The following ASIC2 variants were observed in gnomAD, a reference collection of about 807,000 sequenced individuals.
The protein encoded by ASIC2 is acid-sensing ion channel 2.
In ASIC2, 25 loss-of-function variants were observed where a neutral mutation model predicts 57.3. That is an observed-to-expected ratio of 0.44 (90% CI 0.32 to 0.61). The LOEUF (loss-of-function observed/expected upper bound fraction) is 0.61, where lower values mean the gene tolerates loss of function less well. ASIC2 is among the 20% of genes least tolerant of loss of function. The probability of loss-of-function intolerance (pLI) is 0.06; values close to 1 mark genes in which losing one functional copy is unlikely to be tolerated. For missense variants in ASIC2, 641 were observed against 738.1 expected, an observed-to-expected ratio of 0.87 and a Z score of 1.52; for synonymous variants, 319 against 307.5, an observed-to-expected ratio of 1.04 and a Z score of -0.39.
intron 1 of ASIC2, among the ~76,000 whole-genome samples, chr17:33,824,096 G>A (rs1263425697): frequency 6.6e-6 from 1 of 152,126 alleles, no homozygotes; most frequent in Non-Finnish European, 1.5e-5. Flanking sequence ...TGACCCACAG[G>A]AACCATTCTT....
chr17:33,084,883 G>C (rs548708496), intron 3 of ASIC2, among the ~76,000 whole-genome samples: 1 of 152,152 alleles, frequency 6.6e-6, no homozygotes. Context: ...TTGTTTTTAG[G>C]GCAAATGCAG....
chr17:33,549,753 GT>G (rs1915688963), intron 1 of ASIC2, among the ~76,000 whole-genome samples: 1 of 152,178 alleles, frequency 6.6e-6, no homozygotes, highest in Non-Finnish European at 1.5e-5. Context: ...GATAGACCAG[GT>G]TTTAAATCTT....
In ASIC2 at chr17:34,156,385, C is replaced by T. The variant is rs753583147; in HGVS notation, c.148G>A (p.Val50Met). The change falls in exon 1 of 10, where the codon GTG (valine) becomes ATG (methionine). Residue 50 changes from valine (V) to methionine (M), a missense_variant. Transcript: ENST00000359872. The surrounding 1 kb of genome is among the most constrained non-coding windows in gnomAD (Gnocchi z 4.4). ...ACCAGCAGCAGGCCCAGAGAGCCCA[C>T]GAAGGCCACTGCCCACAGCACACGC... is the stretch of plus-strand genomic sequence containing the variant. 3.1e-6 allele frequency: 5 copies of T among 1,614,082 alleles called. No homozygotes were observed. Among genetic ancestry groups the T allele is most frequent in the African/African-American group, 1.3e-5 (1 of 74,944 alleles).
At chr17:33,708,449 C>T (rs1908927866) in intron 1 of ASIC2, among the ~76,000 whole-genome samples, 1 of 152,138 alleles carries the variant, frequency 6.6e-6, no homozygotes, top group Non-Finnish European at 1.5e-5. Flanking sequence ...TTTTTACATT[C>T]ATTTTAGTGG....
At chr17:33,071,460 C>G (rs1426200417) in intron 3 of ASIC2, among the ~76,000 whole-genome samples, 1 of 152,142 alleles carries the variant, frequency 6.6e-6, no homozygotes, top group Non-Finnish European at 1.5e-5. Context: ...CCATGTCCAT[C>G]CTTTGAACTT....
At chr17:33,109,302 C>A (rs560079465) in intron 2 of ASIC2, among the ~76,000 whole-genome samples, 1 of 152,210 alleles carries the variant, frequency 6.6e-6, no homozygotes, top group Non-Finnish European at 1.5e-5. Context: ...TTGATTGCCA[C>A]AAGGGGTTAG....
intron 1 of ASIC2, among the ~76,000 whole-genome samples, chr17:33,966,481 A>G (rs1376781946): frequency 6.6e-6 from 1 of 152,232 alleles, no homozygotes; most frequent in Non-Finnish European, 1.5e-5. Context: ...GAAAACAAAC[A>G]TATCCGAACC....
chr17:33,912,938 A>G (rs1236160332), intron 1 of ASIC2, among the ~76,000 whole-genome samples: 1 of 152,162 alleles, frequency 6.6e-6, no homozygotes, highest in Non-Finnish European at 1.5e-5. Context: ...AAGATTTGCC[A>G]TTGCACTCCA....
intron 1 of ASIC2, among the ~76,000 whole-genome samples, chr17:33,662,545 C>A (rs1861577305): frequency 6.6e-6 from 1 of 151,440 alleles, no homozygotes; most frequent in Non-Finnish European, 1.5e-5. Context: ...ATTGCTTGAA[C>A]CTGGGAGGCG....
intron 1 of ASIC2, among the ~76,000 whole-genome samples, chr17:33,393,932 C>G (rs1463495797): frequency 6.6e-6 from 1 of 152,208 alleles, no homozygotes; most frequent in Non-Finnish European, 1.5e-5. Context: ...TCTACTTAGC[C>G]ATGTAATCTT....
intron 3 of ASIC2, among the ~76,000 whole-genome samples, chr17:33,060,832 T>C (rs566961381): frequency 4.8e-4 from 73 of 152,314 alleles, no homozygotes; most frequent in African/African-American, 1.7e-3. Context: ...CCTCTTTTAT[T>C]TCATTGAGCA....
chr17:33,873,710 G>A (rs2141933664), intron 1 of ASIC2, among the ~76,000 whole-genome samples: 1 of 152,334 alleles, frequency 6.6e-6, no homozygotes. Flanking sequence ...TCAGGCAGAA[G>A]TAGGATTCAA....
Position 33,701,235 on chromosome 17 carries a change from G to A in ASIC2, c.555+454743C>T, listed in dbSNP as rs1362505177. Among the ~76,000 whole-genome samples, 5 of 152,138 alleles carry A rather than the reference G, an allele frequency of 3.3e-5. No individual in the cohort carries two copies. In the East Asian group the frequency reaches 7.7e-4, roughly 23 times the overall value. Reference sequence around the variant, plus strand: ...TACTCTGAGAAGTATGTTGTGTGTGGTGGGCGGAGGGGGCATATGAGGACT... The same window carrying A: ...TACTCTGAGAAGTATGTTGTGTGTGATGGGCGGAGGGGGCATATGAGGACT... On this transcript the variant is annotated intron_variant, in intron 1 of 9. Transcript: ENST00000359872.
At chr17:33,969,133 C>T (rs779076771) in intron 1 of ASIC2, among the ~76,000 whole-genome samples, 9 of 152,122 alleles carry the variant, frequency 5.9e-5, no homozygotes, top group Non-Finnish European at 8.8e-5. Flanking sequence ...CAAGCATGGC[C>T]CGTTGAGAAA....
At chr17:33,394,551 G>A (rs1910009161) in intron 1 of ASIC2, among the ~76,000 whole-genome samples, 2 of 152,182 alleles carry the variant, frequency 1.3e-5, no homozygotes, top group Admixed American at 1.3e-4. Context: ...ATGTGAGCAG[G>A]GTATGAGGGA....
At chr17:34,011,552 G>A (rs1371098723) in intron 1 of ASIC2, among the ~76,000 whole-genome samples, 4 of 151,684 alleles carry the variant, frequency 2.6e-5, no homozygotes, top group African/African-American at 7.3e-5. Context: ...TCCATTCCCC[G>A]CCCTCCTCCC....
intron 1 of ASIC2, among the ~76,000 whole-genome samples, chr17:33,212,061 C>G (rs1191742082): frequency 2.6e-5 from 4 of 152,162 alleles, no homozygotes; most frequent in Non-Finnish European, 5.9e-5. Flanking sequence ...AGCGCCAGAG[C>G]TAGGATGGGA....
At chr17:33,861,068 A>T (rs1914089067) in intron 1 of ASIC2, among the ~76,000 whole-genome samples, 1 of 152,250 alleles carries the variant, frequency 6.6e-6, no homozygotes, top group South Asian at 2.1e-4. Context: ...TTTTAACAAC[A>T]ATAATTCTTG....
intron 1 of ASIC2, among the ~76,000 whole-genome samples, chr17:33,820,643 T>C (rs1912715175): frequency 6.6e-6 from 1 of 152,228 alleles, no homozygotes; most frequent in Admixed American, 6.5e-5. Context: ...ATTTGCATTC[T>C]GAAATTAAAT....
Sources: allele counts gnomAD v4.1 joint callset (sites outside exome capture counted in the v4.1 genomes callset), GRCh38; gene constraint gnomAD v4.1.1; non-coding constraint Gnocchi (gnomAD v3.1); transcripts MANE v1.5; gene names NCBI Gene and HGNC (gene_info 2026-07-23, HGNC 2026-07-21).